TMEM163: variants seen among roughly 807,000 people sequenced by gnomAD.
TMEM163 encodes the protein transmembrane protein 163.
TMEM163 carries 17 observed loss-of-function variants against 29.3 expected under a neutral mutation model. The ratio of observed to expected loss-of-function variants is 0.58; its 90% CI spans 0.40 to 0.87. The LOEUF (loss-of-function observed/expected upper bound fraction) is 0.87. Among genes scored for constraint, TMEM163 ranks in the 40% least tolerant of loss-of-function variants. The pLI is 0.00. For missense variants in TMEM163, 303 were observed against 381.5 expected, an observed-to-expected ratio of 0.79 and a Z score of 1.71; for synonymous variants, 157 against 160.6, an observed-to-expected ratio of 0.98 and a Z score of 0.17.
intron 1 of TMEM163, among the ~76,000 whole-genome samples, chr2:134,714,685 C>A (rs1359804777): frequency 2.0e-5 from 3 of 152,180 alleles, no homozygotes; most frequent in Admixed American, 2.0e-4. Flanking sequence ...TACACAGAAT[C>A]AAAAGGGAGA....
intron 2 of TMEM163, among the ~76,000 whole-genome samples, chr2:134,610,126 C>G (rs1230005135): frequency 1.3e-5 from 2 of 152,234 alleles, no homozygotes; most frequent in East Asian, 3.8e-4. Flanking sequence ...CCAGACACCT[C>G]TTCTGACAAG....
In TMEM163 at chr2:134,659,362, G is replaced by C. The variant is rs149547610; in HGVS notation, c.322+53838C>G. ...GGAAAACAGGGTTTAAAGTCTGAGAGTCCAAGAAGACTCAGGGTTTCCTGC... is the reference window on the plus strand; with the variant it reads ...GGAAAACAGGGTTTAAAGTCTGAGACTCCAAGAAGACTCAGGGTTTCCTGC... On this transcript the variant is annotated intron_variant, in intron 2 of 7. Transcript: ENST00000281924. Among the ~76,000 whole-genome samples the C allele has an allele frequency of 3.0e-3, 459 of 152,336 alleles. 1 individual carries two copies. Among genetic ancestry groups the C allele is most frequent in the Middle Eastern group, 6.8e-3 (2 of 294 alleles).
chr2:134,715,639 T>G (rs997410463), intron 1 of TMEM163, among the ~76,000 whole-genome samples: 1 of 152,290 alleles, frequency 6.6e-6, no homozygotes, highest in Non-Finnish European at 1.5e-5. Context: ...GTATAAAGAC[T>G]CAGTTCCTAG....
At chr2:134,526,439 A>T (rs1680301865) in intron 4 of TMEM163, among the ~76,000 whole-genome samples, 1 of 152,176 alleles carries the variant, frequency 6.6e-6, no homozygotes, top group Non-Finnish European at 1.5e-5. Context: ...AATTATCCCT[A>T]GACCCCCATA....
intron 2 of TMEM163, among the ~76,000 whole-genome samples, chr2:134,638,898 CA>C (rs1172358019): frequency 3.9e-5 from 6 of 152,244 alleles, no homozygotes; most frequent in African/African-American, 4.8e-5. Context: ...ATGTTTTTAA[CA>C]GTGGCTGAAA....
chr2:134,640,973 G>C (rs1189082553), intron 2 of TMEM163, among the ~76,000 whole-genome samples: 2 of 152,196 alleles, frequency 1.3e-5, no homozygotes, highest in African/African-American at 4.8e-5. Context: ...ATGACAAAGA[G>C]CAAGCATGTG....
At chr2:134,480,070 T>G (rs1027676318) in intron 5 of TMEM163, among the ~76,000 whole-genome samples, 1 of 152,146 alleles carries the variant, frequency 6.6e-6, no homozygotes, top group African/African-American at 2.4e-5. Flanking sequence ...TCTTGCAAAT[T>G]GGTAGATAAG....
intron 4 of TMEM163, among the ~76,000 whole-genome samples, chr2:134,539,707 G>A (rs1307084996): frequency 6.6e-6 from 1 of 152,180 alleles, no homozygotes; most frequent in Non-Finnish European, 1.5e-5. Context: ...AAATCAAATA[G>A]AATTTTCAAT....
intron 5 of TMEM163, among the ~76,000 whole-genome samples, chr2:134,493,260 T>C (rs527354985): frequency 1.3e-5 from 2 of 152,102 alleles, no homozygotes; most frequent in East Asian, 3.9e-4. Context: ...ATGCTGTCTG[T>C]GCTATCTTGT....
intron 5 of TMEM163, among the ~76,000 whole-genome samples, chr2:134,483,690 G>A (rs565146533): frequency 4.9e-4 from 75 of 152,298 alleles, no homozygotes; most frequent in African/African-American, 1.8e-3. Flanking sequence ...AGATGCTGGA[G>A]GCATTCAAGC....
chr2:134,462,752 C>T (rs929683502), intron 6 of TMEM163, among the ~76,000 whole-genome samples: 1 of 152,224 alleles, frequency 6.6e-6, no homozygotes, highest in Non-Finnish European at 1.5e-5. Flanking sequence ...GAAGCCTAGA[C>T]CGAGATCGTG....
Position 134,550,637 on chromosome 2 carries a change from A to T in TMEM163, c.391T>A (p.Ser131Thr). ...FAFDAILDVL[S>T]SAIVLWRYSN... ...TAACGCCACAGGACAATCGCCGATGACAGGACGTCCAGGATGGCATCAAAC... is the reference window on the plus strand; with the variant it reads ...TAACGCCACAGGACAATCGCCGATGTCAGGACGTCCAGGATGGCATCAAAC... The change falls in exon 4 of 8, where the codon TCA (serine) becomes ACA (threonine). Residue 131 changes from serine (S) to threonine (T), a missense_variant. Physicochemically the swap from Ser to Thr is moderately conservative, Grantham distance 58. Transcript: ENST00000281924. 1 of 1,614,210 alleles carries T rather than the reference A, an allele frequency of 6.2e-7. No individual in the cohort carries two copies. The highest frequency in any genetic ancestry group is 8.5e-7 in the Non-Finnish European group (1 of 1,180,026).
intron 2 of TMEM163, among the ~76,000 whole-genome samples, chr2:134,650,004 TAAAA>T (rs1319130397): frequency 1.0e-5 from 1 of 97,572 alleles, no homozygotes; most frequent in Non-Finnish European, 1.9e-5. Flanking sequence ...GACCCTGTCT[TAAAA>T]AAAAAAAAAA....
At chr2:134,711,842 G>C (rs374398360) in intron 2 of TMEM163, among the ~76,000 whole-genome samples, 1 of 152,146 alleles carries the variant, frequency 6.6e-6, no homozygotes, top group South Asian at 2.1e-4. Context: ...CAGGCACATG[G>C]ACACGTCTGA....
intron 2 of TMEM163, among the ~76,000 whole-genome samples, chr2:134,667,857 A>G (rs538338830): frequency 6.6e-6 from 1 of 152,342 alleles, no homozygotes; most frequent in South Asian, 2.1e-4. Context: ...CAATGGTCTA[A>G]ATCCACCAAT....
chr2:134,715,504 T>C (rs1459052192), intron 1 of TMEM163, among the ~76,000 whole-genome samples: 2 of 152,220 alleles, frequency 1.3e-5, no homozygotes, highest in Non-Finnish European at 2.9e-5. Flanking sequence ...TGTCCAAAAA[T>C]GGAAGGACTT....
chr2:134,496,808 T>C (rs1312914628), intron 5 of TMEM163, among the ~76,000 whole-genome samples: 1 of 148,620 alleles, frequency 6.7e-6, no homozygotes, highest in African/African-American at 2.4e-5. Flanking sequence ...ATTTTTCCTT[T>C]CTTCCTTGTC....
chr2:134,538,653 C>G (rs931841703), intron 4 of TMEM163, among the ~76,000 whole-genome samples: 1 of 152,146 alleles, frequency 6.6e-6, no homozygotes. Context: ...CCACACCACA[C>G]GCCACAGTGA....
At chr2:134,700,982 A>T (rs1684690809) in intron 2 of TMEM163, among the ~76,000 whole-genome samples, 1 of 150,226 alleles carries the variant, frequency 6.7e-6, no homozygotes, top group Admixed American at 6.6e-5. Context: ...CCATTAGTTT[A>T]AAAAAAAATG....
Sources: gnomAD v4.1 joint callset for allele counts (sites outside exome capture counted in the v4.1 genomes callset) on GRCh38, gnomAD v4.1.1 for gene constraint, MANE v1.5 for transcripts, NCBI Gene and HGNC (gene_info 2026-07-23, HGNC 2026-07-21) for gene names.